Variants in CACNA1A observed in about 807,000 individuals in gnomAD.
CACNA1A encodes voltage-dependent P/Q-type calcium channel subunit alpha-1A.
Under a neutral mutation model 262.4 loss-of-function variants are expected in CACNA1A, and 57 were observed. The ratio of observed to expected loss-of-function variants is 0.22; its 90% CI spans 0.18 to 0.27. CACNA1A has a LOEUF of 0.27. CACNA1A is among the 10% of genes least tolerant of loss of function. CACNA1A has a pLI of 1.00. For synonymous variants in CACNA1A, 1,431 were observed against 1,419.3 expected, an observed-to-expected ratio of 1.01 and a Z score of -0.18; for missense variants, 2,526 against 3,562.8, an observed-to-expected ratio of 0.71 and a Z score of 7.41.
At position 13,207,070 on chromosome 19, in the gene CACNA1A, C is replaced by T. The variant is rs1395094357; in HGVS notation, c.*243G>A. On this transcript the variant is annotated 3_prime_UTR_variant, in exon 47 of 47. Coordinates refer to ENST00000360228, the MANE Select transcript of CACNA1A (RefSeq NM_001127222.2). This position sits in a 1 kb window ranked among gnomAD's most constrained non-coding sequence, Gnocchi z 5.7. ...CTGCCTCCCACCCGAGAGCCCCTGT[C>T]GTGGGTGGGGGGATCGGGGCTGGTT... 3 of 282,702 alleles carry T rather than the reference C, an allele frequency of 1.1e-5. No homozygotes were observed. The highest frequency in any genetic ancestry group is 1.3e-5 in the Non-Finnish European group (2 of 152,366). The allele number at this position is 282,702 out of a possible 1,614,324, so 17.5% of individuals were successfully genotyped here. A position where few individuals can be genotyped will look rare whatever the true frequency, so the allele number is the denominator to read the frequency against.
intron 10 of CACNA1A, among the ~76,000 whole-genome samples, 163 bp downstream of exon 10, chr19:13,330,081 C>T (rs1315601378): frequency 2.0e-5 from 3 of 152,094 alleles, no homozygotes; most frequent in Non-Finnish European, 2.9e-5. Flanking sequence ...GATGTTATTC[C>T]CATAATGATG....
At chr19:13,267,769 CCTGT>C (rs1265521249) in intron 24 of CACNA1A, among the ~76,000 whole-genome samples, 1 of 151,764 alleles carries the variant, frequency 6.6e-6, no homozygotes, top group Non-Finnish European at 1.5e-5. Context: ...ATAGGGAGAC[CCTGT>C]CTCTCTCCTT....
intron 19 of CACNA1A, among the ~76,000 whole-genome samples, chr19:13,296,596 G>A (rs1245672964): frequency 2.0e-5 from 3 of 152,098 alleles, no homozygotes; most frequent in African/African-American, 2.4e-5. Context: ...ACTATGTTGC[G>A]CAGGCTGGTC....
intron 10 of CACNA1A, among the ~76,000 whole-genome samples, chr19:13,329,922 A>G (rs1600345976): frequency 6.6e-6 from 1 of 152,084 alleles, no homozygotes; most frequent in East Asian, 1.9e-4. Context: ...AGCACCTAAT[A>G]TAAGCAGGTC....
chr19:13,245,532 C>T, intron 30 of CACNA1A: 1 of 493,630 alleles, frequency 2.0e-6, no homozygotes, highest in Non-Finnish European at 3.7e-6. Flanking sequence ...GCTGGGGCTG[C>T]TCTTCAGAGC....
chr19:13,264,369 C>T (rs1365788976), intron 24 of CACNA1A, among the ~76,000 whole-genome samples: 2 of 152,222 alleles, frequency 1.3e-5, no homozygotes, highest in African/African-American at 4.8e-5. Context: ...CGTCTCCCAA[C>T]TTGCTCCTCA....
chr19:13,338,483 C>A (rs764585808), intron 6 of CACNA1A, among the ~76,000 whole-genome samples: 18 of 152,154 alleles, frequency 1.2e-4, no homozygotes, highest in Non-Finnish European at 2.5e-4. Context: ...CAAGAACATT[C>A]ATAGCAATGG....
At chr19:13,239,049 C>T (rs992076863) in intron 31 of CACNA1A, among the ~76,000 whole-genome samples, 2 of 152,172 alleles carry the variant, frequency 1.3e-5, no homozygotes, top group African/African-American at 2.4e-5. Flanking sequence ...GCCCAGCCTC[C>T]TGTCAAGCTG....
chr19:13,446,443 T>TTTC (rs1255588014), intron 3 of CACNA1A, among the ~76,000 whole-genome samples: 3 of 67,746 alleles, frequency 4.4e-5, no homozygotes, highest in African/African-American at 2.0e-4. Context: ...TTTTTCTTTC[T>TTTC]TTTTTTTTTT....
chr19:13,494,191 A>G (rs984162930), intron 1 of CACNA1A, among the ~76,000 whole-genome samples: 6 of 152,260 alleles, frequency 3.9e-5, no homozygotes, highest in Non-Finnish European at 8.8e-5. Flanking sequence ...ATGTGTTCCT[A>G]AAAGTTTACA....
At chr19:13,353,657 T>C (rs577535264) in intron 6 of CACNA1A, among the ~76,000 whole-genome samples, 1 of 152,340 alleles carries the variant, frequency 6.6e-6, no homozygotes, top group African/African-American at 2.4e-5. Context: ...GCTGATTAGT[T>C]GAGCTTAGAT....
intron 1 of CACNA1A, among the ~76,000 whole-genome samples, chr19:13,502,252 G>A (rs939565484): frequency 1.3e-5 from 2 of 151,990 alleles, no homozygotes; most frequent in African/African-American, 4.8e-5. Context: ...GTGACTTTAG[G>A]TGTCTTGTTA....
At chr19:13,396,270 G>A (rs1029311608) in intron 3 of CACNA1A, among the ~76,000 whole-genome samples, 1 of 152,156 alleles carries the variant, frequency 6.6e-6, no homozygotes, top group East Asian at 1.9e-4. Context: ...ACTCTTCCCC[G>A]TGAGGGAAGC....
intron 24 of CACNA1A, among the ~76,000 whole-genome samples, chr19:13,263,838 A>G (rs530964114): frequency 1.3e-5 from 2 of 152,062 alleles, no homozygotes; most frequent in Non-Finnish European, 2.9e-5. Context: ...TATTCTTTTT[A>G]AAGGTGGTAT....
chr19:13,230,333 G>A (rs1226160075), intron 35 of CACNA1A, 124 bp from the exon 36 acceptor site: 2 of 945,424 alleles, frequency 2.1e-6, no homozygotes, highest in Non-Finnish European at 3.2e-6. Context: ...CAGAGGCCCA[G>A]ATGGAGAGAG....
chr19:13,433,068 C>T (rs11879238), intron 3 of CACNA1A, among the ~76,000 whole-genome samples: 8,632 of 151,758 alleles, frequency 0.057, 385 homozygotes, highest in East Asian at 0.21. Context: ...CTGAGGTGGG[C>T]GGATCACGAA....
At chr19:13,418,819 G>A (rs549786818) in intron 3 of CACNA1A, among the ~76,000 whole-genome samples, 49 of 152,212 alleles carry the variant, frequency 3.2e-4, no homozygotes, top group Middle Eastern at 6.8e-3. Context: ...GATCAACAGC[G>A]GACTGCCTAT....
intron 1 of CACNA1A, among the ~76,000 whole-genome samples, chr19:13,475,786 A>C (rs1978457412): frequency 6.6e-6 from 1 of 152,206 alleles, no homozygotes; most frequent in African/African-American, 2.4e-5. Flanking sequence ...GGGCAGAAGG[A>C]ACAAGGGAAA....
chr19:13,488,998 C>CTTTTTTTTT (rs1980403401), intron 1 of CACNA1A, among the ~76,000 whole-genome samples: 1 of 102,708 alleles, frequency 9.7e-6, no homozygotes, highest in African/African-American at 4.9e-5. Flanking sequence ...AATTTCTTTT[C>CTTTTTTTTT]TTTTCTTTTT....
Sources: allele counts gnomAD v4.1 joint callset (sites outside exome capture counted in the v4.1 genomes callset), GRCh38; gene constraint gnomAD v4.1.1; non-coding constraint Gnocchi (gnomAD v3.1); transcripts MANE v1.5; gene names NCBI Gene and HGNC (gene_info 2026-07-23, HGNC 2026-07-21).